The following ADGRL2 variants were observed in gnomAD, a reference collection of about 807,000 sequenced individuals.
ADGRL2 encodes adhesion G protein-coupled receptor L2.
A neutral mutation model predicts 157.4 loss-of-function variants in ADGRL2; 44 were observed. The observed-to-expected ratio is 0.28, with a 90% CI of 0.22 to 0.36. The LOEUF is 0.36. ADGRL2 is among the 10% of genes least tolerant of loss of function. ADGRL2 has a pLI of 1.00. For missense variants in ADGRL2, 1,510 were observed against 1,768.9 expected (o/e 0.85, Z 2.63); for synonymous variants, 585 against 624.7 (o/e 0.94, Z 0.95).
At chr1:81,742,261 T>C (rs2085096823) in intron 1 of ADGRL2, among the ~76,000 whole-genome samples, 2 of 152,006 alleles carry the variant, frequency 1.3e-5, no homozygotes, top group South Asian at 4.1e-4. Flanking sequence ...GAAATATAAT[T>C]TGTTTAAGTG....
intron 1 of ADGRL2, among the ~76,000 whole-genome samples, chr1:81,375,140 G>A (rs1418174245): frequency 1.3e-5 from 2 of 152,198 alleles, no homozygotes; most frequent in Non-Finnish European, 2.9e-5. Context: ...AAAGATGTGA[G>A]CACCTGTGAG....
chr1:81,801,467 A>T (rs955690760), intron 1 of ADGRL2, among the ~76,000 whole-genome samples: 10 of 152,122 alleles, frequency 6.6e-5, no homozygotes, highest in African/African-American at 2.4e-4. Context: ...ACACACACGC[A>T]GAGGTGCTGG....
At chr1:81,368,912 T>A (rs905851008) in intron 1 of ADGRL2, among the ~76,000 whole-genome samples, 1 of 152,152 alleles carries the variant, frequency 6.6e-6, no homozygotes, top group Non-Finnish European at 1.5e-5. Flanking sequence ...ATAATTCCCT[T>A]ATAAAATCTC....
At chr1:81,630,581 T>A (rs1425219046) in intron 3 of ADGRL2, among the ~76,000 whole-genome samples, 1 of 152,202 alleles carries the variant, frequency 6.6e-6, no homozygotes, top group African/African-American at 2.4e-5. Context: ...TTCGAGTTTC[T>A]TTTATGCCTC....
At chr1:81,436,301 G>A (rs2077408172) in intron 1 of ADGRL2, among the ~76,000 whole-genome samples, 1 of 152,096 alleles carries the variant, frequency 6.6e-6, no homozygotes, top group Non-Finnish European at 1.5e-5. Flanking sequence ...GGTAAAATTT[G>A]TTCTAGAGGG....
chr1:81,726,300 C>A (rs1057354429), intron 1 of ADGRL2, among the ~76,000 whole-genome samples: 2 of 152,108 alleles, frequency 1.3e-5, no homozygotes, highest in Non-Finnish European at 2.9e-5. Flanking sequence ...CTCATCCCTG[C>A]GGCCAGTCAC....
intron 3 of ADGRL2, among the ~76,000 whole-genome samples, chr1:81,673,354 ACT>A (rs2148924040): frequency 6.6e-6 from 1 of 151,492 alleles, no homozygotes; most frequent in Non-Finnish European, 1.5e-5. Flanking sequence ...CTTTTCAGGA[ACT>A]CTGTATTTCT....
At chr1:81,499,280 C>T (rs2078793869) in intron 2 of ADGRL2, among the ~76,000 whole-genome samples, 1 of 152,246 alleles carries the variant, frequency 6.6e-6, no homozygotes, top group Admixed American at 6.5e-5. Context: ...TTTTATGCTA[C>T]AGCTTAATCA....
intron 3 of ADGRL2, among the ~76,000 whole-genome samples, chr1:81,650,390 T>TAA (rs71242585): frequency 2.3e-4 from 35 of 150,322 alleles, no homozygotes; most frequent in African/African-American, 6.1e-4. Context: ...GCCAACATGG[T>TAA]AAAAAAAACC....
intron 1 of ADGRL2, among the ~76,000 whole-genome samples, chr1:81,332,620 G>T (rs1418224432): frequency 6.6e-6 from 1 of 152,144 alleles, no homozygotes; most frequent in Non-Finnish European, 1.5e-5. Flanking sequence ...GCCTTTGAAA[G>T]TTACACAAGG....
intron 1 of ADGRL2, among the ~76,000 whole-genome samples, chr1:81,336,627 A>C (rs1240251252): frequency 6.6e-6 from 1 of 152,152 alleles, no homozygotes; most frequent in Admixed American, 6.5e-5. Context: ...AATCCAAAGG[A>C]GCAGGGAGAG....
chr1:81,635,213 C>G lies in ADGRL2; in HGVS notation c.-143+54233C>G, dbSNP rs187417926. On this transcript the variant is annotated intron_variant, in intron 3 of 24. Transcript: ENST00000370721. ...TATAACATACCCTTTATTGGCTTTCCTCTCTCCGTGTTCGCCTTCTCCATT... is the reference window on the plus strand; with the variant it reads ...TATAACATACCCTTTATTGGCTTTCGTCTCTCCGTGTTCGCCTTCTCCATT... Among the ~76,000 whole-genome samples the G allele has an allele frequency of 3.5e-4, 54 of 152,242 alleles. No individual in the cohort carries two copies. In the East Asian group the frequency reaches 5.8e-3, roughly 16 times the overall value.
intron 3 of ADGRL2, among the ~76,000 whole-genome samples, chr1:81,585,039 G>T (rs1285395542): frequency 6.6e-6 from 1 of 152,056 alleles, no homozygotes; most frequent in Non-Finnish European, 1.5e-5. Flanking sequence ...TTTTAGTAAT[G>T]ATAAAAATAC....
rs150206398 is a variant in ADGRL2 at position 81,993,841 on chromosome 1, T to C, written c.*2696T>C. ...TGTGATAGTCACAACTGTGAACTTA[T>C]AAAGTCACATTTTTAAAGTTCTTCC... is the stretch of plus-strand genomic sequence containing the variant. On this transcript the variant is annotated 3_prime_UTR_variant, in exon 24 of 24. Coordinates refer to ENST00000686636, the MANE Select transcript of ADGRL2 (RefSeq NM_001366006.2). 3.7e-3 allele frequency among the ~76,000 whole-genome samples: 565 copies of C among 152,214 alleles called. 1 individual carries two copies. Among genetic ancestry groups the C allele is most frequent in the Non-Finnish European group, 7.0e-3 (474 of 68,000 alleles).
chr1:81,308,888 G>C (rs976824061), intron 1 of ADGRL2, among the ~76,000 whole-genome samples: 1 of 152,102 alleles, frequency 6.6e-6, no homozygotes, highest in Non-Finnish European at 1.5e-5. Flanking sequence ...TCAAGCAACT[G>C]TTCAAGACAA....
At chr1:81,907,860 A>G (rs1311227256) in intron 3 of ADGRL2, among the ~76,000 whole-genome samples, 1 of 152,162 alleles carries the variant, frequency 6.6e-6, no homozygotes, top group Non-Finnish European at 1.5e-5. Flanking sequence ...GTTTTGACAA[A>G]TGTATTCACC....
chr1:81,379,676 C>G lies in ADGRL2; in HGVS notation c.-301-65360C>G, dbSNP rs550243864. On this transcript the variant is annotated intron_variant, in intron 1 of 24. Coordinates refer to the ADGRL2 transcript ENST00000370721. ...GCCTGCCTGCATGCTGGCGTCTGTC[C>G]GTGTGCTCTTGTCAGTGTGCTCCCC... Among the ~76,000 whole-genome samples, 12 of 152,284 alleles carry G rather than the reference C, an allele frequency of 7.9e-5. No homozygotes were observed. In the South Asian group the frequency reaches 2.5e-3, roughly 32 times the overall value.
chr1:81,910,623 G>T (rs2094698374), intron 3 of ADGRL2, among the ~76,000 whole-genome samples: 1 of 148,456 alleles, frequency 6.7e-6, no homozygotes. Flanking sequence ...CTAACTCTTG[G>T]CACCTTTTTT....
chr1:81,607,301 T>C (rs1177177626), intron 3 of ADGRL2, among the ~76,000 whole-genome samples: 2 of 152,198 alleles, frequency 1.3e-5, no homozygotes, highest in Non-Finnish European at 2.9e-5. Context: ...TGCCAGCAAA[T>C]GCATTAGGCT....
Sources: gnomAD v4.1 joint callset for allele counts (sites outside exome capture counted in the v4.1 genomes callset) on GRCh38, gnomAD v4.1.1 for gene constraint, MANE v1.5 for transcripts, NCBI Gene and HGNC (gene_info 2026-07-23, HGNC 2026-07-21) for gene names.